The following PPP1R1C variants were observed in gnomAD, a reference collection of about 807,000 sequenced individuals.
PPP1R1C encodes protein phosphatase 1 regulatory subunit 1C.
PPP1R1C carries 15 observed loss-of-function variants against 17.4 expected under a neutral mutation model. The ratio of observed to expected loss-of-function variants is 0.86; its 90% CI spans 0.58 to 1.33. PPP1R1C has a LOEUF of 1.33. Ranked by LOEUF, PPP1R1C falls within the 40% of genes most tolerant of loss-of-function variation. PPP1R1C has a pLI of 0.00. For missense variants in PPP1R1C, 143 were observed against 130.0 expected (o/e 1.10, Z -0.48); for synonymous variants, 35 against 43.1 (o/e 0.81, Z 0.73).
chr2:182,034,180 C>T (rs1404074538), intron 2 of PPP1R1C, among the ~76,000 whole-genome samples: 1 of 152,136 alleles, frequency 6.6e-6, no homozygotes, highest in Admixed American at 6.5e-5. Context: ...GAGGCAAAAT[C>T]ATTTTCTTAT....
chr2:181,982,443 C>T (rs1392614424), upstream of PPP1R1C, among the ~76,000 whole-genome samples: 1 of 152,044 alleles, frequency 6.6e-6, no homozygotes, highest in African/African-American at 2.4e-5. Flanking sequence ...AGATGACGAG[C>T]ATCTTGCTTG....
At chr2:181,973,465 T>C (rs896794488) in intron 1 of PPP1R1C, among the ~76,000 whole-genome samples, 1 of 152,184 alleles carries the variant, frequency 6.6e-6, no homozygotes, top group Non-Finnish European at 1.5e-5. Flanking sequence ...TTTAAATAGA[T>C]GTTAGAACTC....
upstream of PPP1R1C, among the ~76,000 whole-genome samples, chr2:181,981,943 G>A (rs1297573092): frequency 6.6e-6 from 1 of 152,120 alleles, no homozygotes; most frequent in Non-Finnish European, 1.5e-5. Context: ...AGCATTTAAT[G>A]TAGTCATGTG....
chr2:182,076,325 G>T (rs1688309731), intron 4 of PPP1R1C, among the ~76,000 whole-genome samples: 1 of 144,398 alleles, frequency 6.9e-6, no homozygotes, highest in Non-Finnish European at 1.5e-5. Context: ...CTCCTGAGTA[G>T]CTGGGACTAC....
chr2:182,022,848 T>C (rs1384486607), intron 2 of PPP1R1C, among the ~76,000 whole-genome samples: 3 of 152,156 alleles, frequency 2.0e-5, no homozygotes, highest in African/African-American at 7.2e-5. Context: ...AATTTAACAG[T>C]ATGTTGAAGA....
rs1165789924 is a variant in PPP1R1C at position 182,076,197 on chromosome 2, CTTTTTTTTTTTTTTTTTTTTTTTTT to C, written c.241+12423_241+12447del. ...GATTTTGAACTTTTTTTTTTCTTTT[CTTTTTTTTTTTTTTTTTTTTTTTTT>C]TTTTTTTTTTTTTTTTGAGACGGAG... is the stretch of plus-strand genomic sequence containing the variant. On this transcript the variant is annotated intron_variant, in intron 4 of 4. Transcript: ENST00000682840. Among the ~76,000 whole-genome samples the C allele has an allele frequency of 6.2e-4, 16 of 25,864 alleles. No individual in the cohort carries two copies. In the East Asian group the frequency reaches 0.012, roughly 19 times the overall value. 17.0% of individuals were successfully genotyped at this position (25,864 alleles called of 152,430 possible). A position where few individuals can be genotyped will look rare whatever the true frequency, so the allele number is the denominator to read the frequency against.
At chr2:181,971,922 C>A (rs1039254651) in intron 1 of PPP1R1C, among the ~76,000 whole-genome samples, 2 of 152,162 alleles carry the variant, frequency 1.3e-5, no homozygotes, top group African/African-American at 4.8e-5. Context: ...TTTGCTGCAC[C>A]ACATGGCCAC....
chr2:182,118,566 T>C (rs1215858263), downstream of PPP1R1C, among the ~76,000 whole-genome samples: 1 of 152,190 alleles, frequency 6.6e-6, no homozygotes, highest in Non-Finnish European at 1.5e-5. Flanking sequence ...CTGTGGGATC[T>C]TAATATCAAG....
chr2:181,973,901 G>C (rs938139952), intron 1 of PPP1R1C, among the ~76,000 whole-genome samples: 1 of 151,964 alleles, frequency 6.6e-6, no homozygotes, highest in African/African-American at 2.4e-5. Context: ...TTTTGAAAAG[G>C]TTGTCTAATC....
chr2:182,076,098 C>T (rs1688288982), intron 4 of PPP1R1C, among the ~76,000 whole-genome samples: 1 of 146,764 alleles, frequency 6.8e-6, no homozygotes, highest in Non-Finnish European at 1.5e-5. Flanking sequence ...AAAAAGTTTA[C>T]TCTGTGATTG....
Position 181,962,508 on chromosome 2 carries a change from G to C in PPP1R1C, n.111+7874G>C. The C allele has an allele frequency of 1.5e-6, 1 of 654,536 alleles. No individual in the cohort carries two copies. Among genetic ancestry groups the C allele is most frequent in the Non-Finnish European group, 2.8e-6 (1 of 355,242 alleles). 40.5% of individuals were successfully genotyped at this position (654,536 alleles called of 1,614,324 possible). On this transcript the variant is annotated intron_variant and non_coding_transcript_variant, in intron 1 of 5. Coordinates refer to the PPP1R1C transcript ENST00000464264. The surrounding 1 kb of genome is among the most constrained non-coding windows in gnomAD (Gnocchi z 6.0). The stretch of plus-strand genomic sequence containing the variant: ...TCCAGGGAGGAGAGTGAGAGGACAG[G>C]ACTCAGGCTTTGCCGACCCGTCATA...
chr2:182,032,283 C>T (rs1162314389), intron 2 of PPP1R1C, among the ~76,000 whole-genome samples: 1 of 152,170 alleles, frequency 6.6e-6, no homozygotes, highest in East Asian at 1.9e-4. Context: ...ACGTGGTTAA[C>T]TTTTTCACCT....
At chr2:182,035,718 G>A (rs1686984018) in intron 2 of PPP1R1C, among the ~76,000 whole-genome samples, 1 of 152,004 alleles carries the variant, frequency 6.6e-6, no homozygotes, top group Admixed American at 6.5e-5. Flanking sequence ...TTTGCCTTCT[G>A]CCGTGATTGT....
In PPP1R1C at chr2:182,117,560, G is replaced by T; in HGVS notation, c.*265G>T. On this transcript the variant is annotated 3_prime_UTR_variant, in exon 5 of 5. Transcript: ENST00000682840. ...TAACTATGTAAAAATTTGCATACATGTGACTGTTCTAACTTTAATACTGCC... is the reference window on the plus strand; with the variant it reads ...TAACTATGTAAAAATTTGCATACATTTGACTGTTCTAACTTTAATACTGCC... The T allele has an allele frequency of 2.9e-6, 1 of 342,654 alleles. No homozygotes were observed. Among genetic ancestry groups the T allele is most frequent in the African/African-American group, 2.2e-5 (1 of 46,278 alleles). The allele number at this position is 342,654 out of a possible 1,614,324, so 21.2% of individuals were successfully genotyped here.
At chr2:181,987,067 G>A (rs1276602254) in intron 1 of PPP1R1C, among the ~76,000 whole-genome samples, 1 of 152,152 alleles carries the variant, frequency 6.6e-6, no homozygotes. Context: ...CCAGATAAAT[G>A]TATCCTTGAA....
At chr2:181,973,029 G>GT (rs770731308) in intron 1 of PPP1R1C, among the ~76,000 whole-genome samples, 10 of 152,012 alleles carry the variant, frequency 6.6e-5, no homozygotes, top group Admixed American at 3.9e-4. Context: ...TTAAGAAATC[G>GT]TAAGAACAGA....
In PPP1R1C at chr2:182,123,782, C is replaced by A. The variant is rs182500624; in HGVS notation, c.*7-5192C>A. On this transcript the variant is annotated intron_variant, in intron 5 of 5. Transcript: ENST00000280295. Reference sequence around the variant, plus strand: ...TTTATCAAATAGATAGATTGCAAAACTTTTCTCCCATTCTGTAGGTTGCCT... The same window carrying A: ...TTTATCAAATAGATAGATTGCAAAAATTTTCTCCCATTCTGTAGGTTGCCT... 3.1e-3 allele frequency among the ~76,000 whole-genome samples: 476 copies of A among 152,034 alleles called. 3 individuals are homozygous for A. Among genetic ancestry groups the A allele is most frequent in the African/African-American group, 0.011 (461 of 41,506 alleles).
At chr2:181,993,012 T>G (rs534239248) in intron 2 of PPP1R1C, among the ~76,000 whole-genome samples, 1 of 152,266 alleles carries the variant, frequency 6.6e-6, no homozygotes, top group South Asian at 2.1e-4. Flanking sequence ...TATTACTTTC[T>G]AAATGAGGCA....
chr2:182,012,536 T>A (rs1686116246), intron 2 of PPP1R1C, among the ~76,000 whole-genome samples: 1 of 152,044 alleles, frequency 6.6e-6, no homozygotes, highest in South Asian at 2.1e-4. Flanking sequence ...GCAACATAGT[T>A]GGGTCTTTTT....
Sources: gnomAD v4.1 joint callset for allele counts (sites outside exome capture counted in the v4.1 genomes callset) on GRCh38, gnomAD v4.1.1 for gene constraint, Gnocchi (gnomAD v3.1) non-coding constraint, MANE v1.5 for transcripts, NCBI Gene and HGNC (gene_info 2026-07-23, HGNC 2026-07-21) for gene names.